The following LINGO2 variants were observed in gnomAD, a reference collection of about 807,000 sequenced individuals.
The protein encoded by LINGO2 is leucine rich repeat and Ig domain containing 2.
LINGO2 carries 14 observed loss-of-function variants against 30.6 expected under a neutral mutation model. That is an observed-to-expected ratio of 0.46 (90% CI 0.30 to 0.72). The LOEUF is 0.72. Among genes scored for constraint, LINGO2 ranks in the 30% least tolerant of loss-of-function variants. LINGO2 has a pLI of 0.07. For missense variants in LINGO2, 729 were observed against 751.7 expected (o/e 0.97, Z 0.35); for synonymous variants, 317 against 288.5 (o/e 1.10, Z -1.00).
chr9:29,163,019 T>C, the LINGO2 span, among the ~76,000 whole-genome samples: 126,846 of 152,172 alleles, frequency 0.83, 52,845 homozygotes, highest in Admixed American at 0.87. Flanking sequence ...GAACATTACA[T>C]ATTATCTAAA....
the LINGO2 span, among the ~76,000 whole-genome samples, chr9:28,819,152 C>A: frequency 1.3e-5 from 2 of 152,088 alleles, no homozygotes; most frequent in African/African-American, 2.4e-5. Context: ...ATCAGAGCTT[C>A]CCTTCCATAA....
chr9:28,635,314 T>A (rs1827209321), intron 1 of LINGO2, among the ~76,000 whole-genome samples: 1 of 152,196 alleles, frequency 6.6e-6, no homozygotes, highest in Non-Finnish European at 1.5e-5. Flanking sequence ...GGAGGTAGAC[T>A]TCTACCCTAA....
the LINGO2 span, among the ~76,000 whole-genome samples, chr9:28,729,236 ATGATTTTATAGCTC>A: frequency 6.6e-6 from 1 of 152,170 alleles, no homozygotes; most frequent in Non-Finnish European, 1.5e-5. Flanking sequence ...CCAGAAAAAA[ATGATTTTATAGCTC>A]TTCCAACTAA....
At chr9:28,507,028 A>C (rs146849076) in intron 1 of LINGO2, among the ~76,000 whole-genome samples, 6 of 152,252 alleles carry the variant, frequency 3.9e-5, no homozygotes, top group Non-Finnish European at 7.4e-5. Flanking sequence ...AAAAGTTTGA[A>C]TCTTGTTTCC....
At chr9:28,746,046 A>G in the LINGO2 span, among the ~76,000 whole-genome samples, 1 of 152,194 alleles carries the variant, frequency 6.6e-6, no homozygotes, top group Admixed American at 6.5e-5. Context: ...TTGACAAATT[A>G]TTAATAGTAA....
At chr9:28,733,839 T>C in the LINGO2 span, among the ~76,000 whole-genome samples, 3 of 152,034 alleles carry the variant, frequency 2.0e-5, no homozygotes, top group African/African-American at 7.2e-5. Context: ...TATTCTTCAT[T>C]GGCCAAGAAA....
At chr9:29,181,686 A>C in the LINGO2 span, among the ~76,000 whole-genome samples, 1 of 152,182 alleles carries the variant, frequency 6.6e-6, no homozygotes, top group African/African-American at 2.4e-5. Flanking sequence ...CAAGAAATAG[A>C]CTTAACAAAG....
At chr9:28,462,111 T>G (rs1009815269) in intron 2 of LINGO2, among the ~76,000 whole-genome samples, 1 of 152,106 alleles carries the variant, frequency 6.6e-6, no homozygotes, top group South Asian at 2.1e-4. Flanking sequence ...ACATAAGTCC[T>G]AAGTCATGCT....
intron 4 of LINGO2, among the ~76,000 whole-genome samples, chr9:28,290,004 G>T (rs1823658838): frequency 6.6e-6 from 1 of 152,186 alleles, no homozygotes; most frequent in Non-Finnish European, 1.5e-5. Context: ...CAGGAGAAGG[G>T]ATGCCAGGAA....
At chr9:28,200,783 G>A (rs1219692105) in intron 4 of LINGO2, among the ~76,000 whole-genome samples, 4 of 152,162 alleles carry the variant, frequency 2.6e-5, no homozygotes, top group Non-Finnish European at 4.4e-5. Context: ...AATAATATCA[G>A]CATTTTTAAA....
At chr9:29,188,832 G>C in the LINGO2 span, among the ~76,000 whole-genome samples, 1 of 126,208 alleles carries the variant, frequency 7.9e-6, no homozygotes, top group Non-Finnish European at 1.7e-5. Context: ...GCCGGGGGCT[G>C]ACCCCCCCGC....
chr9:29,159,050 C>A, the LINGO2 span, among the ~76,000 whole-genome samples: 9 of 152,152 alleles, frequency 5.9e-5, no homozygotes, highest in African/African-American at 2.2e-4. Flanking sequence ...TTGTTCGACT[C>A]TGAGCTAGAG....
At chr9:28,071,654 TA>T (rs1825481049) in intron 4 of LINGO2, among the ~76,000 whole-genome samples, 2 of 151,514 alleles carry the variant, frequency 1.3e-5, no homozygotes, top group African/African-American at 2.4e-5. Context: ...ATAGGAAAAT[TA>T]AGGCTCACAG....
At chr9:28,351,262 T>C (rs1278520463) in intron 3 of LINGO2, among the ~76,000 whole-genome samples, 13 of 138,162 alleles carry the variant, frequency 9.4e-5, no homozygotes, top group South Asian at 2.4e-4. Context: ...GCAAGACTAA[T>C]AAAGAAAAAA....
At chr9:28,663,518 A>G (rs1195372821) in intron 1 of LINGO2, among the ~76,000 whole-genome samples, 1 of 152,174 alleles carries the variant, frequency 6.6e-6, no homozygotes. Flanking sequence ...TGAGAATGGC[A>G]TGCAACAAAG....
intron 2 of LINGO2, among the ~76,000 whole-genome samples, chr9:28,439,173 T>C (rs1398987793): frequency 6.7e-6 from 1 of 149,422 alleles, no homozygotes; most frequent in African/African-American, 2.4e-5. Flanking sequence ...TTACACATTA[T>C]AGATAATGAA....
chr9:29,114,809 G>A, the LINGO2 span, among the ~76,000 whole-genome samples: 1 of 151,478 alleles, frequency 6.6e-6, no homozygotes, highest in Admixed American at 6.6e-5. Context: ...ACCATTGTTG[G>A]ACATTTGGGT....
the LINGO2 span, among the ~76,000 whole-genome samples, chr9:28,699,058 A>G: frequency 6.6e-6 from 1 of 151,862 alleles, no homozygotes; most frequent in Non-Finnish European, 1.5e-5. Flanking sequence ...AAAACAAAAC[A>G]AAACAAAACA....
At chr9:28,189,277 G>GAGGAAGGA (rs1819667615) in intron 4 of LINGO2, among the ~76,000 whole-genome samples, 1 of 41,654 alleles carries the variant, frequency 2.4e-5, no homozygotes, top group African/African-American at 1.3e-4. Flanking sequence ...GGGAGGAAGG[G>GAGGAAGGA]AGGGAGGGAG....
Sources: allele counts gnomAD v4.1 joint callset (sites outside exome capture counted in the v4.1 genomes callset), GRCh38; gene constraint gnomAD v4.1.1; transcripts MANE v1.5; gene names NCBI Gene and HGNC (gene_info 2026-07-23, HGNC 2026-07-21).